Variants in PMS1 observed in about 807,000 individuals in gnomAD.
PMS1 encodes the protein PMS1 protein homolog 1.
Under a neutral mutation model 93.1 loss-of-function variants are expected in PMS1, and 79 were observed. The ratio of observed to expected loss-of-function variants is 0.85; its 90% CI spans 0.71 to 1.02. PMS1 has a LOEUF of 1.02. Among genes scored for constraint, PMS1 ranks in the 50% least tolerant of loss-of-function variants. The pLI is 0.00. For synonymous variants in PMS1, 335 were observed against 363.4 expected (o/e 0.92, Z 0.89); for missense variants, 1,064 against 1,085.3 (o/e 0.98, Z 0.28).
chr2:189,854,765 G>A lies in PMS1; in HGVS notation c.1493G>A (p.Trp498Ter), dbSNP rs1316101935. 1 of 1,613,760 alleles carries A rather than the reference G, an allele frequency of 6.2e-7. No individual in the cohort carries two copies. The highest frequency in any genetic ancestry group is 8.5e-7 in the Non-Finnish European group (1 of 1,179,766). Residue 498 changes from tryptophan to a stop codon, truncating the protein, a stop_gained, in exon 9 of 13, where the codon TGG becomes TAG. Coordinates refer to ENST00000441310, the MANE Select transcript of PMS1 (RefSeq NM_000534.5). LOFTEE classifies it high-confidence loss of function. ...ENSSEISADE[W>*]SRGNILKNSV... ...TCTTCGGAAATTTCTGCAGATGAGT[G>A]GAGCAGGGGAAATATACTTAAAAAT...
At chr2:189,862,817 A>T (rs551105727) in intron 9 of PMS1, among the ~76,000 whole-genome samples, 4 of 152,322 alleles carry the variant, frequency 2.6e-5, no homozygotes, top group Non-Finnish European at 2.9e-5. Flanking sequence ...CCCGGCCATG[A>T]AACTGTGGAA....
intron 5 of PMS1, among the ~76,000 whole-genome samples, chr2:189,818,582 T>C (rs1319792837): frequency 2.6e-5 from 4 of 152,240 alleles, no homozygotes; most frequent in Non-Finnish European, 5.9e-5. Flanking sequence ...TATTTTGCTA[T>C]AGCAGCCCAA....
At chr2:189,834,009 C>G (rs187673590) in intron 5 of PMS1, among the ~76,000 whole-genome samples, 1 of 152,240 alleles carries the variant, frequency 6.6e-6, no homozygotes, top group Non-Finnish European at 1.5e-5. Context: ...GCTTACATTA[C>G]GTGTCTAGGC....
intron 11 of PMS1, among the ~76,000 whole-genome samples, chr2:189,871,117 T>C (rs1377375801): frequency 6.6e-6 from 1 of 152,234 alleles, no homozygotes; most frequent in African/African-American, 2.4e-5. Context: ...ACTTCTTGAA[T>C]GATTTGCTGC....
intron 5 of PMS1, among the ~76,000 whole-genome samples, chr2:189,826,189 G>A (rs5743057): frequency 0.017 from 2,644 of 152,162 alleles, 76 homozygotes; most frequent in African/African-American, 0.06. Context: ...GTCTTTTGCC[G>A]CATTTGGACC....
intron 4 of PMS1, among the ~76,000 whole-genome samples, chr2:189,811,560 C>G (rs2050848552): frequency 6.6e-6 from 1 of 152,106 alleles, no homozygotes; most frequent in South Asian, 2.1e-4. Context: ...GTGCCATACA[C>G]TCTAGCCTGG....
At chr2:189,816,832 G>A (rs752120153) in intron 4 of PMS1, among the ~76,000 whole-genome samples, 10 of 151,944 alleles carry the variant, frequency 6.6e-5, no homozygotes, top group Non-Finnish European at 1.5e-4. Flanking sequence ...ACTGATTCAC[G>A]GTAATAAATA....
chr2:189,860,453 T>C (rs1031626979), intron 9 of PMS1, among the ~76,000 whole-genome samples: 3 of 152,158 alleles, frequency 2.0e-5, no homozygotes, highest in Non-Finnish European at 4.4e-5. Flanking sequence ...TGTATAAATA[T>C]ACCAAAATTT....
At chr2:189,785,664 A>G (rs968929546) in intron 1 of PMS1, among the ~76,000 whole-genome samples, 12 of 152,182 alleles carry the variant, frequency 7.9e-5, no homozygotes, top group Admixed American at 5.2e-4. Context: ...GTAAAGGGGG[A>G]CTGCAGGGGA....
intron 9 of PMS1, among the ~76,000 whole-genome samples, chr2:189,859,029 A>G (rs1250966973): frequency 2.0e-5 from 3 of 152,270 alleles, no homozygotes; most frequent in South Asian, 4.1e-4. Context: ...TATGCAGATA[A>G]TGAAATTCAG....
At chr2:189,813,013 A>G (rs1559243379) in intron 4 of PMS1, among the ~76,000 whole-genome samples, 1 of 152,232 alleles carries the variant, frequency 6.6e-6, no homozygotes, top group Non-Finnish European at 1.5e-5. Flanking sequence ...TAGGATTAAT[A>G]TGTTATTTAC....
intron 5 of PMS1, among the ~76,000 whole-genome samples, chr2:189,818,668 T>G (rs2106328681): frequency 6.6e-6 from 1 of 152,294 alleles, no homozygotes; most frequent in South Asian, 2.1e-4. Context: ...ACATAAAGAG[T>G]GTCTTTAATT....
chr2:189,791,671 C>A, intron 1 of PMS1, 119 bp from the exon 2 acceptor site: 2 of 708,636 alleles, frequency 2.8e-6, no homozygotes, highest in African/African-American at 1.8e-5. Flanking sequence ...AACAGTTGAG[C>A]GTAGCATACA....
intron 5 of PMS1, among the ~76,000 whole-genome samples, chr2:189,839,816 T>A (rs183657369): frequency 2.6e-5 from 4 of 152,198 alleles, no homozygotes; most frequent in Non-Finnish European, 5.9e-5. Flanking sequence ...GGAACAAAAT[T>A]GATGCTCAAT....
At chr2:189,871,202 A>G (rs2057114067) in intron 11 of PMS1, among the ~76,000 whole-genome samples, 1 of 152,158 alleles carries the variant, frequency 6.6e-6, no homozygotes, top group Non-Finnish European at 1.5e-5. Context: ...TCAAACTTCT[A>G]CCGATCCTAA....
At position 189,854,378 on chromosome 2, in the gene PMS1, T is replaced by C. The variant is rs1475888660; in HGVS notation, c.1106T>C (p.Leu369Pro). Residue 369 changes from leucine to proline, a missense_variant, in exon 9 of 13, where the codon CTT becomes CCT. Physicochemically the swap from Leu to Pro is moderately conservative, Grantham distance 98. Coordinates refer to ENST00000441310, the MANE Select transcript of PMS1 (RefSeq NM_000534.5). ...VLSKTAETDV[L>P]FNKVESSGKN... ...AGTAAAACAGCAGAAACAGATGTGC[T>C]TTTTAATAAAGTGGAATCATCTGGA... is the stretch of plus-strand genomic sequence containing the variant. 1.2e-6 allele frequency: 2 copies of C among 1,602,416 alleles called. No individual in the cohort carries two copies. The highest frequency in any genetic ancestry group is 1.7e-6 in the Non-Finnish European group (2 of 1,173,192).
chr2:189,784,626 ATCC>A (rs2048089218), intron 1 of PMS1, 33 bp downstream of exon 1: 1 of 152,564 alleles, frequency 6.6e-6, no homozygotes, highest in Non-Finnish European at 1.5e-5. Flanking sequence ...TATTTATTAT[ATCC>A]TCGATGGCTC....
rs753545002 is a variant in PMS1, at chr2:189,854,744, C to A, written c.1472C>A (p.Ser491Ter). ...NEEEAGLENS[S>*]EISADEWSRG... Reference sequence around the variant, plus strand: ...GAAGAAGCAGGTCTTGAAAACTCTTCGGAAATTTCTGCAGATGAGTGGAGC... The same window carrying A: ...GAAGAAGCAGGTCTTGAAAACTCTTAGGAAATTTCTGCAGATGAGTGGAGC... The change falls in exon 9 of 13, where the codon TCG (serine) becomes TAG (stop). Residue 491 changes from serine to a stop codon, truncating the protein, a stop_gained. Transcript: ENST00000441310. LOFTEE classifies it high-confidence loss of function. 6.2e-7 allele frequency: 1 copy of A among 1,613,812 alleles called. No individual in the cohort carries two copies. Among genetic ancestry groups the A allele is most frequent in the Admixed American group, 1.7e-5 (1 of 59,988 alleles).
At chr2:189,877,192 T>C (rs1272721404) in intron 12 of PMS1, 80 bp from the exon 13 acceptor site, 2 of 1,093,480 alleles carry the variant, frequency 1.8e-6, no homozygotes, top group Non-Finnish European at 2.8e-6. Context: ...ATCAAGATTC[T>C]GTCTTCCTTT....
Sources: allele counts gnomAD v4.1 joint callset (sites outside exome capture counted in the v4.1 genomes callset), GRCh38; gene constraint gnomAD v4.1.1; transcripts MANE v1.5; gene names NCBI Gene and HGNC (gene_info 2026-07-23, HGNC 2026-07-21).